Variants in OSBPL11 observed in about 807,000 individuals in gnomAD.
The protein encoded by OSBPL11 is oxysterol binding protein like 11, also known as oxysterol-binding protein-related protein 11.
A neutral mutation model predicts 84.4 loss-of-function variants in OSBPL11; 33 were observed. The observed-to-expected ratio is 0.39, with a 90% CI of 0.30 to 0.52. The LOEUF (loss-of-function observed/expected upper bound fraction) is 0.52, where lower values mean the gene tolerates loss of function less well. Among genes scored for constraint, OSBPL11 ranks in the 20% least tolerant of loss-of-function variants. The probability of loss-of-function intolerance (pLI) is 0.72; values close to 1 mark genes in which losing one functional copy is unlikely to be tolerated. For synonymous variants in OSBPL11, 276 were observed against 310.2 expected (o/e 0.89, Z 1.16); for missense variants, 736 against 901.1 (o/e 0.82, Z 2.35).
At chr3:125,535,439 C>CTTTTTTTTT (rs763678488) in intron 11 of OSBPL11, among the ~76,000 whole-genome samples, 3 of 84,296 alleles carry the variant, frequency 3.6e-5, no homozygotes, top group Non-Finnish European at 6.8e-5. Flanking sequence ...TCAGAAGCAT[C>CTTTTTTTTT]TTTTTTTTTT....
chr3:125,574,480 G>GTT (rs56689283), intron 5 of OSBPL11, among the ~76,000 whole-genome samples: 120 of 135,348 alleles, frequency 8.9e-4, no homozygotes, highest in Middle Eastern at 3.8e-3. Flanking sequence ...CTGATTAGCA[G>GTT]TTTTTTTTTT....
Position 125,534,361 on chromosome 3 carries a change from C to T in OSBPL11, c.2025-2347G>A, listed in dbSNP as rs577220081. 1.1e-4 allele frequency among the ~76,000 whole-genome samples: 16 copies of T among 149,740 alleles called. No homozygotes were observed. The East Asian group carries it at 2.6e-3, about 24-fold the overall frequency. On this transcript the variant is annotated intron_variant, in intron 11 of 12. Transcript: ENST00000296220. ...CTGCATCACTGCACTCCAGCCTGGG[C>T]GACAGAGTAAGACACTACTTTGTCT...
At chr3:125,534,947 A>G (rs1935616883) in intron 11 of OSBPL11, among the ~76,000 whole-genome samples, 1 of 133,210 alleles carries the variant, frequency 7.5e-6, no homozygotes, top group Non-Finnish European at 1.6e-5. Context: ...ATTGTAAGAA[A>G]TTAGAAAAAA....
chr3:125,575,016 C>T (rs1440681780), intron 5 of OSBPL11, among the ~76,000 whole-genome samples: 1 of 152,100 alleles, frequency 6.6e-6, no homozygotes, highest in Non-Finnish European at 1.5e-5. Context: ...CAAAGAATAG[C>T]CACAATTATC....
chr3:125,543,846 G>A (rs1344943816), intron 10 of OSBPL11, among the ~76,000 whole-genome samples: 1 of 152,106 alleles, frequency 6.6e-6, no homozygotes, highest in Non-Finnish European at 1.5e-5. Flanking sequence ...GTTGCAGTGA[G>A]CTGAGATCGC....
At chr3:125,565,369 T>C (rs1024903712) in intron 6 of OSBPL11, among the ~76,000 whole-genome samples, 2 of 152,216 alleles carry the variant, frequency 1.3e-5, no homozygotes, top group Admixed American at 1.3e-4. Context: ...CCAAATTTCA[T>C]AGCTAAGCCT....
rs917043849 is a variant in OSBPL11 at position 125,552,568 on chromosome 3, C to T, written c.1267G>A (p.Asp423Asn). The change falls in exon 9 of 13, where the codon GAC becomes AAC. Residue 423 changes from aspartate to asparagine, a missense_variant. Asp to Asn is a conservative substitution (Grantham distance 23). Transcript: ENST00000296220. The part of the protein sequence containing the change: ...IAITNGATAE[D>N]RMIRFVEYYL... ...TACTCAACAAAGCGAATCATTCTGT[C>T]CTCAGCTGTGGCTCCATTAGTGATG... 1.2e-6 allele frequency: 2 copies of T among 1,614,208 alleles called. No homozygotes were observed. The highest frequency in any genetic ancestry group is 1.7e-6 in the Non-Finnish European group (2 of 1,180,032).
Position 125,539,556 on chromosome 3 carries a change from T to C in OSBPL11, c.1842-923A>G, listed in dbSNP as rs907013742. Reference sequence around the variant, plus strand: ...TCCTGGGTTAAGTGACTCTCCTGCTTCAGCCTCCCAAGTAGCTGGAGTAGC... The same window carrying C: ...TCCTGGGTTAAGTGACTCTCCTGCTCCAGCCTCCCAAGTAGCTGGAGTAGC... On this transcript the variant is annotated intron_variant, in intron 10 of 12. Transcript: ENST00000296220. Among the ~76,000 whole-genome samples the C allele has an allele frequency of 3.3e-5, 5 of 151,986 alleles. 1 individual carries two copies. The highest frequency in any genetic ancestry group is 1.3e-4 in the Admixed American group (2 of 15,256).
intron 5 of OSBPL11, among the ~76,000 whole-genome samples, chr3:125,569,012 A>C (rs532316835): frequency 1.2e-4 from 19 of 152,132 alleles, no homozygotes; most frequent in Non-Finnish European, 2.5e-4. Flanking sequence ...CAGTGGTGCA[A>C]TCACGGCTCA....
chr3:125,578,871 A>G (rs2922184), intron 4 of OSBPL11, 89 bp downstream of exon 4: 360,519 of 721,774 alleles, frequency 0.5, 93,605 homozygotes, highest in African/African-American at 0.8. Flanking sequence ...TTTACGGTAT[A>G]TGAATAGTAT....
intron 5 of OSBPL11, among the ~76,000 whole-genome samples, chr3:125,569,103 C>T (rs898152595): frequency 1.3e-5 from 2 of 152,032 alleles, no homozygotes; most frequent in Admixed American, 1.3e-4. Context: ...TGCCACAATG[C>T]CTGGCTAATT....
At chr3:125,584,556 T>C (rs1936478051) in intron 1 of OSBPL11, among the ~76,000 whole-genome samples, 1 of 152,024 alleles carries the variant, frequency 6.6e-6, no homozygotes, top group South Asian at 2.1e-4. Context: ...CTCTTTAATC[T>C]AGGTTCTCTA....
In OSBPL11 at chr3:125,584,828, C is replaced by T. The variant is rs2922181; in HGVS notation, c.165-1850G>A. On this transcript the variant is annotated intron_variant, in intron 1 of 12. Transcript: ENST00000296220. ...CTACTCTCATATTACTGAAGGTACT[C>T]CCCATTTTGGTCATATCTAATTATC... Among the ~76,000 whole-genome samples, 1,412 of 152,292 alleles carry T rather than the reference C, an allele frequency of 9.3e-3. 9 individuals carry two copies. The highest frequency in any genetic ancestry group is 0.02 in the South Asian group (95 of 4,824).
chr3:125,579,867 C>CT lies in OSBPL11; in HGVS notation c.406dup (p.Arg136LysfsTer13). 2 of 1,613,918 alleles carry CT rather than the reference C, an allele frequency of 1.2e-6. No individual in the cohort carries two copies. Among genetic ancestry groups the CT allele is most frequent in the Non-Finnish European group, 1.7e-6 (2 of 1,179,946 alleles). Reference sequence around the variant, plus strand: ...TAATTCTCATATTTTGGTCATACCTCTGAGTTTATATTGTTCCCCACTGGC... The same window carrying CT: ...TAATTCTCATATTTTGGTCATACCTCTTGAGTTTATATTGTTCCCCACTGGC... On this transcript the variant is annotated frameshift_variant, in exon 3 of 13. Coordinates refer to ENST00000296220, the MANE Select transcript of OSBPL11 (RefSeq NM_022776.5). LOFTEE classifies it high-confidence loss of function.
At chr3:125,572,847 TTATATATATTTATATATTTA>T (rs1225732455) in intron 5 of OSBPL11, among the ~76,000 whole-genome samples, 114 of 146,642 alleles carry the variant, frequency 7.8e-4, no homozygotes, top group African/African-American at 2.7e-3. Flanking sequence ...TATATTTTAT[TTATATATATTTATATATTTA>T]TATATATATT....
intron 11 of OSBPL11, among the ~76,000 whole-genome samples, chr3:125,533,044 G>A (rs573177817): frequency 2.0e-5 from 3 of 152,114 alleles, no homozygotes; most frequent in Admixed American, 1.3e-4. Flanking sequence ...GGGATTAACT[G>A]TAAATGAACA....
At chr3:125,586,894 T>A (rs770881749) in intron 1 of OSBPL11, among the ~76,000 whole-genome samples, 6 of 152,190 alleles carry the variant, frequency 3.9e-5, no homozygotes, top group Non-Finnish European at 8.8e-5. Flanking sequence ...TTTAAACAGT[T>A]TCAAATCCTT....
chr3:125,564,498 A>G (rs1206390842), intron 6 of OSBPL11, among the ~76,000 whole-genome samples: 1 of 152,222 alleles, frequency 6.6e-6, no homozygotes, highest in African/African-American at 2.4e-5. Context: ...ACCCTCGACT[A>G]GTTTAACAAA....
At chr3:125,572,716 T>G (rs554254398) in intron 5 of OSBPL11, among the ~76,000 whole-genome samples, 54 of 151,900 alleles carry the variant, frequency 3.6e-4, no homozygotes, top group African/African-American at 1.3e-3. Flanking sequence ...TCCATTCATG[T>G]GGAACTGTAA....
Sources: gnomAD v4.1 joint callset for allele counts (sites outside exome capture counted in the v4.1 genomes callset) on GRCh38, gnomAD v4.1.1 for gene constraint, MANE v1.5 for transcripts, NCBI Gene and HGNC (gene_info 2026-07-23, HGNC 2026-07-21) for gene names.